Variants in SLC38A8 observed in about 807,000 individuals in gnomAD.
SLC38A8 encodes the protein solute carrier family 38 member 8.
Under a neutral mutation model 46.0 loss-of-function variants are expected in SLC38A8, and 65 were observed. The observed-to-expected ratio is 1.41, with a 90% CI of 1.16 to 1.74. The LOEUF is 1.74. SLC38A8 is among the 40% of genes most tolerant of loss of function. SLC38A8 has a pLI of 0.00. For synonymous variants in SLC38A8, 447 were observed against 243.7 expected, an observed-to-expected ratio of 1.83 and a Z score of -7.77; for missense variants, 998 against 567.9, an observed-to-expected ratio of 1.76 and a Z score of -7.70.
Position 84,039,473 on chromosome 16 carries a change from G to A in SLC38A8, c.189+2496C>T, listed in dbSNP as rs375780332. On this transcript the variant is annotated intron_variant, in intron 2 of 10. Transcript: ENST00000299709. ...GTTGAAAGGCAGGGGGGCCGGGTAC[G>A]GTGGCTCATGGCTGTAATCCCAGCA... Among the ~76,000 whole-genome samples the A allele has an allele frequency of 9.3e-4, 141 of 152,236 alleles. 1 individual carries two copies. The highest frequency in any genetic ancestry group is 3.4e-3 in the Middle Eastern group (1 of 294).
At position 84,029,653 on chromosome 16, in the gene SLC38A8, G is replaced by C. The variant is rs1043818859; in HGVS notation, c.633-102C>G. 27 of 1,129,022 alleles carry C rather than the reference G, an allele frequency of 2.4e-5. No homozygotes were observed. The East Asian group carries it at 6.0e-4, about 25-fold the overall frequency. The allele number at this position is 1,129,022 out of a possible 1,614,324, so 69.9% of individuals were successfully genotyped here. A position where few individuals can be genotyped will look rare whatever the true frequency, so the allele number is the denominator to read the frequency against. ...TAAAGGATGCTGGGAAAATGTAACAGAGCATGGCTGCAAGATGTATTTTTA... is the reference window on the plus strand; with the variant it reads ...TAAAGGATGCTGGGAAAATGTAACACAGCATGGCTGCAAGATGTATTTTTA... On this transcript the variant is annotated intron_variant, in intron 5 of 10. Coordinates refer to ENST00000299709, the MANE Select transcript of SLC38A8 (RefSeq NM_001080442.3).
intron 7 of SLC38A8, among the ~76,000 whole-genome samples, chr16:84,022,434 T>C (rs889147841): frequency 6.6e-6 from 1 of 152,196 alleles, no homozygotes; most frequent in African/African-American, 2.4e-5. Flanking sequence ...TGTTACAGTG[T>C]AATGACGGAC....
At chr16:84,039,145 C>G (rs2085337690) in intron 2 of SLC38A8, among the ~76,000 whole-genome samples, 1 of 152,132 alleles carries the variant, frequency 6.6e-6, no homozygotes, top group South Asian at 2.1e-4. Flanking sequence ...CAAGAAGCAC[C>G]TGGAGCCACC....
At chr16:84,032,062 T>A in intron 4 of SLC38A8, 94 bp from the exon 5 acceptor site, 1 of 1,101,420 alleles carries the variant, frequency 9.1e-7, no homozygotes, top group Non-Finnish European at 1.4e-6. Flanking sequence ...AGCTCCGCCC[T>A]TGACAATGAG....
chr16:84,030,195 A>G (rs1036603932), intron 5 of SLC38A8, among the ~76,000 whole-genome samples: 1 of 152,108 alleles, frequency 6.6e-6, no homozygotes, highest in Non-Finnish European at 1.5e-5. Flanking sequence ...CAGCCAAGGA[A>G]CACAGATCGC....
chr16:84,038,793 CCACTCCATCAAGCATGTGTGAT>C (rs1311445153), intron 2 of SLC38A8, among the ~76,000 whole-genome samples: 27 of 152,306 alleles, frequency 1.8e-4, no homozygotes, highest in African/African-American at 6.3e-4. Context: ...CTGGCTACTC[CCACTCCATCAAGCATGTGTGAT>C]TGATCCGTAT....
At chr16:84,021,280 G>A (rs1281756448) in intron 7 of SLC38A8, among the ~76,000 whole-genome samples, 1 of 152,132 alleles carries the variant, frequency 6.6e-6, no homozygotes, top group Non-Finnish European at 1.5e-5. Context: ...TCACAGGCTG[G>A]TCTCAAAATC....
At chr16:84,014,556 A>T (rs1395009634) in intron 9 of SLC38A8, among the ~76,000 whole-genome samples, 2 of 151,172 alleles carry the variant, frequency 1.3e-5, no homozygotes, top group African/African-American at 4.9e-5. Flanking sequence ...CTCCTCTCTA[A>T]AAGTTCCACC....
intron 1 of SLC38A8, 66 bp downstream of exon 1, chr16:84,042,485 C>T (rs910996079): frequency 4.5e-6 from 1 of 221,028 alleles, no homozygotes; most frequent in Non-Finnish European, 8.9e-6. Context: ...TCCCCCCATT[C>T]CCATCCACTC....
rs183227417 is a variant in SLC38A8 at position 84,036,681 on chromosome 16, G to A, written c.388+21C>T. The A allele has an allele frequency of 3.1e-4, 507 of 1,613,542 alleles. 2 individuals are homozygous for A. Among genetic ancestry groups the A allele is most frequent in the African/African-American group, 2.9e-3 (218 of 75,046 alleles). On this transcript the variant is annotated intron_variant, in intron 3 of 10. Coordinates refer to ENST00000299709, the MANE Select transcript of SLC38A8 (RefSeq NM_001080442.3). ...GAGGTCCGGCACCCTGGGCCACCCC[G>A]AGTCCCATGAAGGTACTTACGCTTC...
intron 6 of SLC38A8, among the ~76,000 whole-genome samples, chr16:84,023,253 C>G (rs1057343724): frequency 6.6e-6 from 1 of 152,070 alleles, no homozygotes; most frequent in Admixed American, 6.6e-5. Flanking sequence ...AAATGTTCAA[C>G]TGAGGCTAGT....
chr16:84,030,103 G>A (rs1221145513), intron 5 of SLC38A8, among the ~76,000 whole-genome samples: 1 of 152,172 alleles, frequency 6.6e-6, no homozygotes. Context: ...TGAATCCAAT[G>A]CCTGCTGCCC....
At chr16:84,037,688 G>A (rs1367745578) in intron 2 of SLC38A8, among the ~76,000 whole-genome samples, 1 of 151,850 alleles carries the variant, frequency 6.6e-6, no homozygotes, top group Admixed American at 6.6e-5. Context: ...TTGAACCTGG[G>A]AGGCGGACGT....
chr16:84,038,552 G>A (rs910367416), intron 2 of SLC38A8, among the ~76,000 whole-genome samples: 3 of 152,160 alleles, frequency 2.0e-5, no homozygotes, highest in African/African-American at 7.2e-5. Context: ...ATTAGAGCTT[G>A]ATGTTTGTTC....
intron 3 of SLC38A8, among the ~76,000 whole-genome samples, chr16:84,034,818 G>C (rs888769079): frequency 6.6e-6 from 1 of 151,890 alleles, no homozygotes; most frequent in African/African-American, 2.4e-5. Flanking sequence ...GGATGGGGCA[G>C]GCCCTTTGTC....
intron 6 of SLC38A8, among the ~76,000 whole-genome samples, chr16:84,024,054 G>T (rs1051984096): frequency 1.3e-5 from 2 of 152,346 alleles, no homozygotes; most frequent in South Asian, 4.1e-4. Flanking sequence ...TGGGGTGGGG[G>T]TGTTGTGCAG....
chr16:84,025,420 C>G lies in SLC38A8; in HGVS notation c.691-2531G>C, dbSNP rs529477083. On this transcript the variant is annotated intron_variant, in intron 6 of 10. Coordinates refer to ENST00000299709, the MANE Select transcript of SLC38A8 (RefSeq NM_001080442.3). ...CTCCTCTGCACCCTCCTGGGGAGCC[C>G]TCCCGAGTGGGCTGGTTTCCTCTCT... 6.2e-4 allele frequency among the ~76,000 whole-genome samples: 94 copies of G among 152,318 alleles called. 1 individual carries two copies. The highest frequency in any genetic ancestry group is 5.8e-3 in the South Asian group (28 of 4,832).
At chr16:84,032,904 G>A (rs1447979231) in intron 4 of SLC38A8, among the ~76,000 whole-genome samples, 1 of 95,864 alleles carries the variant, frequency 1.0e-5, no homozygotes, top group Non-Finnish European at 2.0e-5. Context: ...ATGTGTGGGT[G>A]GGTGAGCATG....
chr16:84,029,575 T>G, intron 5 of SLC38A8, 24 bp from the exon 6 acceptor site: 1 of 1,610,414 alleles, frequency 6.2e-7, no homozygotes, highest in Non-Finnish European at 8.5e-7. Context: ...AGAACAGGAG[T>G]TTATTAAAGA....
Sources: allele counts gnomAD v4.1 joint callset (sites outside exome capture counted in the v4.1 genomes callset), GRCh38; gene constraint gnomAD v4.1.1; transcripts MANE v1.5; gene names NCBI Gene and HGNC (gene_info 2026-07-23, HGNC 2026-07-21).